ANKHD1: variants seen among roughly 807,000 people sequenced by gnomAD.
ANKHD1 encodes the protein ankyrin repeat and KH domain containing 1.
In ANKHD1, 31 loss-of-function variants were observed where a neutral mutation model predicts 230.5. The ratio of observed to expected loss-of-function variants is 0.13; its 90% CI spans 0.10 to 0.18. The LOEUF (loss-of-function observed/expected upper bound fraction) is 0.18. Among genes scored for constraint, ANKHD1 ranks in the 10% least tolerant of loss-of-function variants. The probability of loss-of-function intolerance (pLI) is 1.00; values close to 1 mark genes in which losing one functional copy is unlikely to be tolerated. For synonymous variants in ANKHD1, 1,074 were observed against 1,117.6 expected, an observed-to-expected ratio of 0.96 and a Z score of 0.78; for missense variants, 2,256 against 3,071.3, an observed-to-expected ratio of 0.73 and a Z score of 6.27.
chr5:140,466,714 G>C (rs1776118104), intron 10 of ANKHD1, among the ~76,000 whole-genome samples: 1 of 152,140 alleles, frequency 6.6e-6, no homozygotes, highest in African/African-American at 2.4e-5. Flanking sequence ...GGGAGACCGA[G>C]GCGGACGGAC....
At chr5:140,439,850 T>A (rs559057485) in intron 3 of ANKHD1, among the ~76,000 whole-genome samples, 85 of 152,348 alleles carry the variant, frequency 5.6e-4, no homozygotes, top group Non-Finnish European at 9.4e-4. Flanking sequence ...TAAAAAACTT[T>A]ATTTAAAATT....
At chr5:140,470,499 T>G (rs1406780132) in intron 10 of ANKHD1, among the ~76,000 whole-genome samples, 1 of 151,796 alleles carries the variant, frequency 6.6e-6, no homozygotes, top group Non-Finnish European at 1.5e-5. Flanking sequence ...TCATCTCGCT[T>G]GTTTGTATTT....
rs1561808195 is a variant in ANKHD1 at position 140,505,104 on chromosome 5, ATT to A, written c.3151-12_3151-11del. 1.2e-5 allele frequency: 19 copies of A among 1,604,610 alleles called. No individual in the cohort carries two copies. Among genetic ancestry groups the A allele is most frequent in the Non-Finnish European group, 1.6e-5 (19 of 1,177,652 alleles). On this transcript the variant is annotated splice_polypyrimidine_tract_variant and intron_variant, in intron 16 of 33. Transcript: ENST00000360839. ...CTTCTGTTAAAAAAAATTTTAACTT[ATT>A]TTTTTCTTCTCCTAGACTGAGAGCA...
At chr5:140,443,041 G>A (rs1773983552) in intron 5 of ANKHD1, among the ~76,000 whole-genome samples, 1 of 151,860 alleles carries the variant, frequency 6.6e-6, no homozygotes, top group Non-Finnish European at 1.5e-5. Context: ...TAGTAGCTGG[G>A]ACTACAGGTG....
intron 14 of ANKHD1, among the ~76,000 whole-genome samples, chr5:140,489,240 G>T (rs985447641): frequency 2.0e-5 from 3 of 151,854 alleles, no homozygotes; most frequent in Admixed American, 6.6e-5. Context: ...ATGTGCTGTG[G>T]CTCATACCTG....
At chr5:140,427,669 G>A (rs1772620742) in intron 1 of ANKHD1, among the ~76,000 whole-genome samples, 3 of 146,950 alleles carry the variant, frequency 2.0e-5, no homozygotes, top group African/African-American at 7.5e-5. Flanking sequence ...CCTCCCTCCC[G>A]GACGGGGCGG....
intron 7 of ANKHD1, among the ~76,000 whole-genome samples, chr5:140,456,918 G>C (rs1026455755): frequency 9.2e-5 from 14 of 152,070 alleles, no homozygotes; most frequent in Admixed American, 7.9e-4. Context: ...GAGGGAACAG[G>C]CAACCTACAG....
chr5:140,423,972 CTT>C (rs1288918579), intron 1 of ANKHD1, among the ~76,000 whole-genome samples: 1 of 152,190 alleles, frequency 6.6e-6, no homozygotes, highest in Non-Finnish European at 1.5e-5. Context: ...TTCTGTCACT[CTT>C]TTGGCCAAAA....
chr5:140,474,259 A>G (rs1349854838), intron 10 of ANKHD1, among the ~76,000 whole-genome samples: 1 of 152,170 alleles, frequency 6.6e-6, no homozygotes, highest in Non-Finnish European at 1.5e-5. Context: ...TGATTAATAT[A>G]CAGTGGTGGG....
chr5:140,486,863 T>C, intron 13 of ANKHD1, 95 bp from the exon 14 acceptor site: 1 of 1,264,108 alleles, frequency 7.9e-7, no homozygotes, highest in Non-Finnish European at 1.1e-6. Context: ...TTTGGTGGTA[T>C]ATGAAGATAA....
intron 1 of ANKHD1, among the ~76,000 whole-genome samples, chr5:140,434,826 C>T (rs1185423366): frequency 6.6e-6 from 1 of 152,062 alleles, no homozygotes; most frequent in Non-Finnish European, 1.5e-5. Flanking sequence ...TTTGGAATTT[C>T]AGTTAATGCT....
At position 140,470,345 on chromosome 5, in the gene ANKHD1, A is replaced by AT. The variant is rs747520769; in HGVS notation, c.1782+5583dup. Among the ~76,000 whole-genome samples the AT allele has an allele frequency of 5.5e-3, 781 of 142,574 alleles. 4 individuals carry two copies. Among genetic ancestry groups the AT allele is most frequent in the African/African-American group, 0.016 (634 of 39,144 alleles). 93.5% of individuals were successfully genotyped at this position (142,574 alleles called of 152,430 possible). A position where few individuals can be genotyped will look rare whatever the true frequency, so the allele number is the denominator to read the frequency against. Reference sequence around the variant, plus strand: ...GTTGTCATAGTATTTAATTTTTAAAATTTTTTTTTTTTTTAGTGGTGACCG... The same window carrying AT: ...GTTGTCATAGTATTTAATTTTTAAAATTTTTTTTTTTTTTTAGTGGTGACCG... On this transcript the variant is annotated intron_variant, in intron 10 of 33. Coordinates refer to ENST00000360839, the MANE Select transcript of ANKHD1 (RefSeq NM_017747.3).
At chr5:140,407,350 A>G (rs1770553481) in intron 1 of ANKHD1, among the ~76,000 whole-genome samples, 1 of 149,972 alleles carries the variant, frequency 6.7e-6, no homozygotes, top group Admixed American at 6.6e-5. Context: ...ATTTTTATTT[A>G]TTTATTTTGA....
rs1177184776 is a variant in ANKHD1 at position 140,414,619 on chromosome 5, C to T, written c.306+12346C>T. On this transcript the variant is annotated intron_variant, in intron 1 of 33. Transcript: ENST00000360839. ...GGCTGAGGCAGAAAGATCATCTGAGCCCAGGAGTTCAGAACCAGCCTGGGC... is the reference window on the plus strand; with the variant it reads ...GGCTGAGGCAGAAAGATCATCTGAGTCCAGGAGTTCAGAACCAGCCTGGGC... Among the ~76,000 whole-genome samples, 3 of 152,062 alleles carry T rather than the reference C, an allele frequency of 2.0e-5. No individual in the cohort carries two copies. In the East Asian group the frequency reaches 5.8e-4, roughly 29 times the overall value.
intron 20 of ANKHD1, among the ~76,000 whole-genome samples, chr5:140,508,859 A>G (rs1335851691): frequency 6.6e-6 from 1 of 151,122 alleles, no homozygotes; most frequent in Non-Finnish European, 1.5e-5. Flanking sequence ...AGGAGTTAGT[A>G]TGTCATTGGC....
At chr5:140,510,284 G>C in intron 22 of ANKHD1, 103 bp downstream of exon 22, 1 of 843,664 alleles carries the variant, frequency 1.2e-6, no homozygotes, top group Non-Finnish European at 1.6e-6. Context: ...TATTTCCATA[G>C]AAAAATCACT....
chr5:140,535,305 G>C lies in ANKHD1; in HGVS notation c.6851-57G>C, dbSNP rs547633088. 6.3e-4 allele frequency: 949 copies of C among 1,501,986 alleles called. 13 individuals carry two copies. In the South Asian group the frequency reaches 0.013, roughly 20 times the overall value. The allele number at this position is 1,501,986 out of a possible 1,614,324, so 93.0% of individuals were successfully genotyped here. The stretch of plus-strand genomic sequence containing the variant: ...ATCTCACTTTGGTGGAAGTCTTCTT[G>C]GGCTTTCAATTTTAAAGTTTTAGCT... On this transcript the variant is annotated intron_variant, in intron 29 of 33. Coordinates refer to ENST00000360839, the MANE Select transcript of ANKHD1 (RefSeq NM_017747.3).
Position 140,528,352 on chromosome 5 carries a change from C to T in ANKHD1, c.5406C>T (p.Ser1802=), listed in dbSNP as rs1387896696. 2 of 1,613,982 alleles carry T rather than the reference C, an allele frequency of 1.2e-6. No homozygotes were observed. Among genetic ancestry groups the T allele is most frequent in the Non-Finnish European group, 8.5e-7 (1 of 1,180,024 alleles). The change falls in exon 29 of 34, where the codon TCC becomes TCT. Residue 1802 remains serine, a synonymous_variant. Coordinates refer to ENST00000360839, the MANE Select transcript of ANKHD1 (RefSeq NM_017747.3). ...CTGGAGTAGGTACCACAGCAGCTTC[C>T]AGTAAAAATGCATTTCCTTTGGGTG... ...FSSGVGTTAA[S]SKNAFPLGAP...
At chr5:140,478,784 A>G (rs1751101859) in intron 10 of ANKHD1, among the ~76,000 whole-genome samples, 1 of 150,178 alleles carries the variant, frequency 6.7e-6, no homozygotes, top group Non-Finnish European at 1.5e-5. Flanking sequence ...AGCTGGGATT[A>G]CAGGCATGCA....
Sources: gnomAD v4.1 joint callset for allele counts (sites outside exome capture counted in the v4.1 genomes callset) on GRCh38, gnomAD v4.1.1 for gene constraint, MANE v1.5 for transcripts, NCBI Gene and HGNC (gene_info 2026-07-23, HGNC 2026-07-21) for gene names.